Variants in DPP6 observed in about 807,000 individuals in gnomAD.
The protein encoded by DPP6 is dipeptidyl peptidase like 6.
DPP6 carries 69 observed loss-of-function variants against 122.6 expected under a neutral mutation model. That is an observed-to-expected ratio of 0.56 (90% CI 0.46 to 0.69). DPP6 has a LOEUF of 0.69. DPP6 is among the 30% of genes least tolerant of loss of function. The pLI is 0.00. For synonymous variants in DPP6, 418 were observed against 433.1 expected (o/e 0.97, Z 0.43); for missense variants, 928 against 1,116.9 (o/e 0.83, Z 2.41).
chr7:154,805,128 G>A (rs1445717457), intron 15 of DPP6, among the ~76,000 whole-genome samples, 164 bp downstream of exon 15: 7 of 152,232 alleles, frequency 4.6e-5, no homozygotes, highest in African/African-American at 1.7e-4. Flanking sequence ...AACTTGCAGA[G>A]GCCACCAAAG....
chr7:154,197,496 G>A (rs1798929061), intron 1 of DPP6, among the ~76,000 whole-genome samples: 2 of 152,082 alleles, frequency 1.3e-5, no homozygotes, highest in Admixed American at 1.3e-4. Flanking sequence ...CGGAACACCC[G>A]GTCATCAGAG....
intron 1 of DPP6, among the ~76,000 whole-genome samples, chr7:154,062,568 G>A (rs1168244353): frequency 9.0e-5 from 1 of 11,086 alleles, no homozygotes; most frequent in Non-Finnish European, 1.9e-4. Context: ...CATCGCAGGG[G>A]GGGGAGGCAC....
intron 16 of DPP6, among the ~76,000 whole-genome samples, chr7:154,830,373 G>T (rs181117720): frequency 1.4e-3 from 215 of 152,334 alleles, no homozygotes; most frequent in African/African-American, 4.7e-3. Context: ...GGACTGGGGG[G>T]CCATGCCGGG....
intron 1 of DPP6, among the ~76,000 whole-genome samples, chr7:154,143,779 G>T (rs1288620255): frequency 6.6e-6 from 1 of 151,266 alleles, no homozygotes; most frequent in African/African-American, 2.4e-5. Flanking sequence ...TGGCTGCTTG[G>T]CATTCATTTC....
At chr7:154,679,187 C>T (rs916035020) in intron 7 of DPP6, among the ~76,000 whole-genome samples, 1 of 152,132 alleles carries the variant, frequency 6.6e-6, no homozygotes, top group Non-Finnish European at 1.5e-5. Context: ...TGTGGACTCA[C>T]ACCTTGCTCT....
intron 7 of DPP6, among the ~76,000 whole-genome samples, chr7:154,715,963 T>C (rs10280556): frequency 0.97 from 147,925 of 152,280 alleles, 71,982 homozygotes; most frequent in Non-Finnish European, 1. Flanking sequence ...AACCCGTACA[T>C]TCTGTCACCT....
rs73485723 is a variant in DPP6, at chr7:154,609,165, G to A, written c.628-28656G>A. Among the ~76,000 whole-genome samples, 600 of 152,044 alleles carry A rather than the reference G, an allele frequency of 3.9e-3. 2 individuals are homozygous for A. The highest frequency in any genetic ancestry group is 0.013 in the African/African-American group (556 of 41,462). On this transcript the variant is annotated intron_variant, in intron 5 of 25. Coordinates refer to ENST00000377770, the MANE Select transcript of DPP6 (RefSeq NM_130797.4). ...GGCATCTAGATATTTCCCTTATTTC[G>A]CACTTTACGTATTCTCGAACAGTTT...
intron 1 of DPP6, among the ~76,000 whole-genome samples, chr7:154,194,341 A>G (rs1264644335): frequency 6.6e-6 from 1 of 152,234 alleles, no homozygotes; most frequent in East Asian, 1.9e-4. Flanking sequence ...ATTGGTAATG[A>G]ATCAGATGCA....
At chr7:154,751,963 T>C (rs1843417122) in intron 8 of DPP6, among the ~76,000 whole-genome samples, 1 of 152,146 alleles carries the variant, frequency 6.6e-6, no homozygotes, top group Non-Finnish European at 1.5e-5. Context: ...GAGAGGGTTC[T>C]TGGGTCTTGT....
chr7:154,322,637 A>G (rs959169695), intron 1 of DPP6, among the ~76,000 whole-genome samples: 2 of 152,160 alleles, frequency 1.3e-5, no homozygotes, highest in Admixed American at 6.5e-5. Context: ...TCCTGAAACC[A>G]TAGCAGCATC....
chr7:153,977,841 G>T (rs1421089582), intron 1 of DPP6, among the ~76,000 whole-genome samples: 1 of 152,056 alleles, frequency 6.6e-6, no homozygotes, highest in Non-Finnish European at 1.5e-5. Context: ...TGCTGAGAAT[G>T]ATGGTTTCCA....
At chr7:154,680,510 A>G (rs1447398325) in intron 7 of DPP6, among the ~76,000 whole-genome samples, 2 of 152,190 alleles carry the variant, frequency 1.3e-5, no homozygotes, top group African/African-American at 2.4e-5. Flanking sequence ...GCATGGGAGC[A>G]TGGAGCATAT....
chr7:154,688,708 T>G (rs1839769690), intron 7 of DPP6, among the ~76,000 whole-genome samples: 1 of 152,132 alleles, frequency 6.6e-6, no homozygotes, highest in Non-Finnish European at 1.5e-5. Context: ...TCTCTCTTTT[T>G]CATGTTTTTC....
At chr7:154,146,557 C>T (rs1343083240) in intron 1 of DPP6, among the ~76,000 whole-genome samples, 71 of 152,372 alleles carry the variant, frequency 4.7e-4, no homozygotes, top group African/African-American at 1.7e-3. Flanking sequence ...TGCCCCTTCT[C>T]CAGCAGGTGC....
At chr7:153,902,319 A>G (rs1243923790) in intron 1 of DPP6, among the ~76,000 whole-genome samples, 3 of 152,230 alleles carry the variant, frequency 2.0e-5, no homozygotes, top group Non-Finnish European at 4.4e-5. Flanking sequence ...AGAGGGGGGA[A>G]AAGCCTCTCA....
intron 3 of DPP6, among the ~76,000 whole-genome samples, chr7:154,514,328 C>T (rs1027300472): frequency 5.9e-5 from 9 of 151,846 alleles, no homozygotes; most frequent in Non-Finnish European, 1.2e-4. Flanking sequence ...AATTCAGACC[C>T]TCTCCTTCTC....
At chr7:154,607,561 C>CAAAAAAAAA (rs1162220684) in intron 5 of DPP6, among the ~76,000 whole-genome samples, 1 of 22,380 alleles carries the variant, frequency 4.5e-5, no homozygotes, top group African/African-American at 1.4e-4. Context: ...GACTCTGTCT[C>CAAAAAAAAA]AAAAAAAAAA....
chr7:154,243,489 A>G (rs1801778310), intron 1 of DPP6, among the ~76,000 whole-genome samples: 1 of 152,194 alleles, frequency 6.6e-6, no homozygotes, highest in African/African-American at 2.4e-5. Flanking sequence ...GATGGGTATA[A>G]TAATAGTTAA....
chr7:154,379,350 G>T (rs1477745988), intron 1 of DPP6, among the ~76,000 whole-genome samples: 4 of 152,020 alleles, frequency 2.6e-5, no homozygotes. Flanking sequence ...ACACACCAGG[G>T]CCTGTCAGGT....
Sources: allele counts gnomAD v4.1 joint callset (sites outside exome capture counted in the v4.1 genomes callset), GRCh38; gene constraint gnomAD v4.1.1; transcripts MANE v1.5; gene names NCBI Gene and HGNC (gene_info 2026-07-23, HGNC 2026-07-21).